Variants in CTNNA2 observed in about 807,000 individuals in gnomAD.
CTNNA2 encodes the protein catenin alpha 2, also known as catenin alpha-2.
Under a neutral mutation model 101.0 loss-of-function variants are expected in CTNNA2, and 42 were observed. The observed-to-expected ratio is 0.42, with a 90% CI of 0.32 to 0.54. CTNNA2 has a LOEUF of 0.54. Among genes scored for constraint, CTNNA2 ranks in the 20% least tolerant of loss-of-function variants. The pLI is 0.14. For synonymous variants in CTNNA2, 450 were observed against 456.4 expected, an observed-to-expected ratio of 0.99 and a Z score of 0.18; for missense variants, 871 against 1,223.1, an observed-to-expected ratio of 0.71 and a Z score of 4.29.
chr2:79,319,858 G>A (rs1313272474), intron 3 of CTNNA2: 1 of 152,162 alleles, frequency 6.6e-6, no homozygotes, highest in Non-Finnish European at 1.5e-5. Context: ...GAAGATAAGA[G>A]GCAAAGAAGA....
chr2:80,315,197 T>G (rs955455264), intron 7 of CTNNA2, among the ~76,000 whole-genome samples: 1 of 152,196 alleles, frequency 6.6e-6, no homozygotes, highest in Non-Finnish European at 1.5e-5. Flanking sequence ...ATCTCAGACT[T>G]TTGACTGCTC....
At chr2:79,271,891 A>G (rs1444251891) in intron 2 of CTNNA2, among the ~76,000 whole-genome samples, 5 of 152,018 alleles carry the variant, frequency 3.3e-5, no homozygotes. Flanking sequence ...TCTCCTGATT[A>G]CTGAAAGCTT....
rs78684058 is a variant in CTNNA2, at chr2:79,626,340, C to G, written c.-5-25212C>G. 5.6e-3 allele frequency among the ~76,000 whole-genome samples: 856 copies of G among 152,196 alleles called. 1 individual carries two copies. Among genetic ancestry groups the G allele is most frequent in the African/African-American group, 0.018 (766 of 41,518 alleles). On this transcript the variant is annotated intron_variant, in intron 1 of 18. Transcript: ENST00000402739. ...GGGATGTGTGATTTTGATGTTGAACCCTAATTACAGGTTAGCCAGGAAACA... is the reference window on the plus strand; with the variant it reads ...GGGATGTGTGATTTTGATGTTGAACGCTAATTACAGGTTAGCCAGGAAACA...
chr2:80,291,411 G>C (rs1675226094), intron 7 of CTNNA2, among the ~76,000 whole-genome samples: 1 of 152,208 alleles, frequency 6.6e-6, no homozygotes, highest in Non-Finnish European at 1.5e-5. Context: ...GAGCAAATTA[G>C]TGTCAAAGCT....
At chr2:79,296,187 A>T (rs1675976120) in intron 2 of CTNNA2, among the ~76,000 whole-genome samples, 1 of 152,168 alleles carries the variant, frequency 6.6e-6, no homozygotes, top group Non-Finnish European at 1.5e-5. Context: ...GGATACAAAC[A>T]TTACAATGTT....
At chr2:80,066,850 GAATGGATGGATAAAGAAAA>G (rs1449165416) in intron 7 of CTNNA2, among the ~76,000 whole-genome samples, 6 of 152,266 alleles carry the variant, frequency 3.9e-5, no homozygotes, top group African/African-American at 1.4e-4. Flanking sequence ...GTTCATCAGT[GAATGGATGGATAAAGAAAA>G]CGTGGTGTAT....
intron 9 of CTNNA2, among the ~76,000 whole-genome samples, chr2:80,500,775 A>G (rs1279012906): frequency 2.6e-5 from 4 of 152,216 alleles, no homozygotes; most frequent in African/African-American, 9.6e-5. Context: ...AAGTTGTGCA[A>G]TGTGGCAGCC....
chr2:79,505,132 C>T (rs1671384002), exon 5 of CTNNA2: 3 of 152,510 alleles, frequency 2.0e-5, no homozygotes. Flanking sequence ...CCAGCTCTGA[C>T]TCAGATGGGC....
intron 12 of CTNNA2, among the ~76,000 whole-genome samples, chr2:80,571,937 G>A (rs1225345225): frequency 6.6e-6 from 1 of 151,986 alleles, no homozygotes; most frequent in Non-Finnish European, 1.5e-5. Context: ...TGTCTCTATG[G>A]TTATAGAGAC....
chr2:79,385,256 G>A (rs1573140291), intron 4 of CTNNA2, among the ~76,000 whole-genome samples: 1 of 152,248 alleles, frequency 6.6e-6, no homozygotes. Context: ...AGAAAGAGAT[G>A]CCAGAGGCAT....
intron 3 of CTNNA2, among the ~76,000 whole-genome samples, chr2:79,849,851 C>T (rs913919094): frequency 3.3e-5 from 5 of 152,158 alleles, no homozygotes; most frequent in Admixed American, 6.5e-5. Flanking sequence ...CTCCCTGCTT[C>T]AGTATCAATT....
At chr2:79,979,057 C>G (rs1345924807) in intron 7 of CTNNA2, among the ~76,000 whole-genome samples, 1 of 152,010 alleles carries the variant, frequency 6.6e-6, no homozygotes, top group Non-Finnish European at 1.5e-5. Context: ...GTGATACATC[C>G]CTGAGGGAAT....
intron 7 of CTNNA2, among the ~76,000 whole-genome samples, chr2:80,043,112 TTTCTTTC>T (rs1696255013): frequency 2.7e-5 from 2 of 73,552 alleles, no homozygotes; most frequent in South Asian, 3.8e-4. Flanking sequence ...TCTCTCTCTC[TTTCTTTC>T]TCCTTCCTTC....
intron 7 of CTNNA2, among the ~76,000 whole-genome samples, chr2:80,229,587 C>T (rs1014708724): frequency 6.6e-6 from 1 of 152,008 alleles, no homozygotes; most frequent in Non-Finnish European, 1.5e-5. Context: ...TCTAAGTGTT[C>T]AGCAACCTGG....
intron 1 of CTNNA2, among the ~76,000 whole-genome samples, chr2:79,620,808 G>A (rs942483987): frequency 2.6e-5 from 4 of 152,136 alleles, no homozygotes; most frequent in Non-Finnish European, 5.9e-5. Context: ...TCCTATGGGG[G>A]CAAGCTGAGG....
At chr2:80,305,299 G>T in intron 7 of CTNNA2, 2 of 985,416 alleles carry the variant, frequency 2.0e-6, no homozygotes, top group Non-Finnish European at 2.4e-6. Context: ...AGTCCCGGTG[G>T]TGTGAGATCC....
intron 7 of CTNNA2, among the ~76,000 whole-genome samples, chr2:80,065,502 T>C (rs537187710): frequency 6.6e-6 from 1 of 151,930 alleles, no homozygotes; most frequent in Admixed American, 6.6e-5. Flanking sequence ...TACAGGTGCG[T>C]GCCACAACAC....
intron 7 of CTNNA2, among the ~76,000 whole-genome samples, chr2:80,105,286 G>T (rs559429066): frequency 6.6e-6 from 1 of 152,272 alleles, no homozygotes; most frequent in Admixed American, 6.5e-5. Flanking sequence ...ACTATATGCA[G>T]TCCTAATTAA....
intron 1 of CTNNA2, among the ~76,000 whole-genome samples, chr2:79,551,200 A>G (rs1674078524): frequency 6.6e-6 from 1 of 152,208 alleles, no homozygotes; most frequent in African/African-American, 2.4e-5. Flanking sequence ...CCCAGGAAAA[A>G]GAAACAAAAC....
Sources: gnomAD v4.1 joint callset for allele counts (sites outside exome capture counted in the v4.1 genomes callset) on GRCh38, gnomAD v4.1.1 for gene constraint, MANE v1.5 for transcripts, NCBI Gene and HGNC (gene_info 2026-07-23, HGNC 2026-07-21) for gene names.